Variants in SYNPR observed in about 807,000 individuals in gnomAD.
The protein encoded by SYNPR is synaptoporin.
SYNPR carries 23 observed loss-of-function variants against 32.9 expected under a neutral mutation model. The observed-to-expected ratio is 0.70, with a 90% CI of 0.50 to 0.99. The LOEUF is 0.99. Ranked by LOEUF, SYNPR falls within the 50% of genes least tolerant of loss-of-function variation. The pLI, the probability that SYNPR is intolerant of heterozygous loss-of-function variation, is 0.00. For missense variants in SYNPR, 318 were observed against 349.3 expected (o/e 0.91, Z 0.71); for synonymous variants, 146 against 135.9 (o/e 1.07, Z -0.52).
intron 3 of SYNPR, among the ~76,000 whole-genome samples, chr3:63,526,347 A>G (rs1024678558): frequency 6.6e-6 from 1 of 152,120 alleles, no homozygotes; most frequent in Admixed American, 6.5e-5. Flanking sequence ...GCATTATATC[A>G]TTTACATTTA....
At chr3:63,280,479 A>G (rs776841426) in intron 2 of SYNPR, among the ~76,000 whole-genome samples, 6 of 151,806 alleles carry the variant, frequency 4.0e-5, no homozygotes, top group Non-Finnish European at 5.9e-5. Context: ...TGCTATTTCT[A>G]TTCACACTGT....
chr3:63,303,267 T>C (rs1198741832), intron 2 of SYNPR, among the ~76,000 whole-genome samples: 2 of 151,846 alleles, frequency 1.3e-5, no homozygotes, highest in Non-Finnish European at 2.9e-5. Flanking sequence ...GCCTCATTTG[T>C]TAATGTTTCT....
At chr3:63,403,895 C>T (rs1001954810) in intron 2 of SYNPR, among the ~76,000 whole-genome samples, 5 of 152,196 alleles carry the variant, frequency 3.3e-5, no homozygotes, top group South Asian at 2.1e-4. Flanking sequence ...CATCCTTGAT[C>T]GACCACAACA....
intron 2 of SYNPR, among the ~76,000 whole-genome samples, chr3:63,330,450 T>G (rs200472327): frequency 8.4e-6 from 1 of 119,640 alleles, no homozygotes; most frequent in African/African-American, 3.0e-5. Context: ...CTGTCTCCCC[T>G]CTTTTTTTTA....
At chr3:63,456,809 C>G (rs891119401) in intron 2 of SYNPR, among the ~76,000 whole-genome samples, 3 of 152,082 alleles carry the variant, frequency 2.0e-5, no homozygotes, top group African/African-American at 7.2e-5. Flanking sequence ...TGGCTAGTTT[C>G]TCATTGTTTT....
chr3:63,473,778 A>G (rs1310161383), intron 2 of SYNPR, among the ~76,000 whole-genome samples: 2 of 152,192 alleles, frequency 1.3e-5, no homozygotes, highest in African/African-American at 4.8e-5. Context: ...AAGGTCCTAC[A>G]GCTGGAGGGA....
At chr3:63,414,660 TACTG>T (rs2088515481) in intron 2 of SYNPR, among the ~76,000 whole-genome samples, 1 of 152,250 alleles carries the variant, frequency 6.6e-6, no homozygotes, top group African/African-American at 2.4e-5. Context: ...ATCTACCTGC[TACTG>T]ACTATTTTTC....
intron 3 of SYNPR, among the ~76,000 whole-genome samples, chr3:63,525,068 A>C (rs1425064221): frequency 6.6e-6 from 1 of 152,154 alleles, no homozygotes; most frequent in Non-Finnish European, 1.5e-5. Context: ...CTGGGAATAC[A>C]TGATGGAGAG....
intron 2 of SYNPR, among the ~76,000 whole-genome samples, chr3:63,300,194 G>A (rs1338128003): frequency 2.6e-5 from 4 of 152,064 alleles, no homozygotes; most frequent in Admixed American, 1.3e-4. Flanking sequence ...GAAGGAAGGA[G>A]TATGACCTGC....
intron 2 of SYNPR, among the ~76,000 whole-genome samples, chr3:63,304,402 G>C (rs773523951): frequency 1.3e-5 from 2 of 151,134 alleles, no homozygotes; most frequent in Non-Finnish European, 3.0e-5. Context: ...TTAAATCACC[G>C]GTCATTTTTA....
chr3:63,345,876 G>T (rs376298570), intron 2 of SYNPR, among the ~76,000 whole-genome samples: 1 of 151,712 alleles, frequency 6.6e-6, no homozygotes, highest in African/African-American at 2.4e-5. Context: ...GTGCAGTGGC[G>T]CAATCTCAGC....
chr3:63,294,846 A>G lies in SYNPR; in HGVS notation c.84+16104A>G, dbSNP rs913623497. Among the ~76,000 whole-genome samples the G allele has an allele frequency of 2.6e-5, 4 of 152,180 alleles. No individual in the cohort carries two copies. In the East Asian group the frequency reaches 7.7e-4, roughly 29 times the overall value. On this transcript the variant is annotated intron_variant, in intron 2 of 5. Transcript: ENST00000478300. ...ATAATACTCGTAAATGTTAGTGCAT[A>G]TTCAGTACTTTTCTGAAATTGCACT...
At chr3:63,217,871 G>A in the SYNPR span, among the ~76,000 whole-genome samples, 37 of 152,162 alleles carry the variant, frequency 2.4e-4, no homozygotes, top group Non-Finnish European at 2.6e-4. Flanking sequence ...TAGTATTTGG[G>A]CCCACTTAAG....
intron 2 of SYNPR, among the ~76,000 whole-genome samples, chr3:63,310,001 T>G (rs569338691): frequency 6.6e-6 from 1 of 151,852 alleles, no homozygotes; most frequent in Non-Finnish European, 1.5e-5. Context: ...GTGTACCCAC[T>G]CTTCAGCCCT....
At chr3:63,290,928 A>T (rs548311160) in intron 2 of SYNPR, among the ~76,000 whole-genome samples, 1 of 152,314 alleles carries the variant, frequency 6.6e-6, no homozygotes, top group East Asian at 1.9e-4. Context: ...CAGTTGGCAC[A>T]CTTTTCAGGA....
Position 63,563,859 on chromosome 3 carries a change from T to C in SYNPR, c.408+7118T>C, listed in dbSNP as rs1227558490. On this transcript the variant is annotated intron_variant, in intron 4 of 5. Coordinates refer to ENST00000478300, the MANE Select transcript of SYNPR (RefSeq NM_001130003.2). ...TGAGGGCATGCCCTTTTCAGGTCTC[T>C]GTGCTGTGGACTTGTCATAAAGTAT... 3.3e-5 allele frequency among the ~76,000 whole-genome samples: 5 copies of C among 152,022 alleles called. No homozygotes were observed. In the East Asian group the frequency reaches 9.6e-4, roughly 29 times the overall value.
intron 2 of SYNPR, among the ~76,000 whole-genome samples, chr3:63,314,436 T>C (rs910274031): frequency 6.6e-6 from 1 of 151,934 alleles, no homozygotes; most frequent in Non-Finnish European, 1.5e-5. Context: ...TGGTATTACA[T>C]TGTAGTTTTG....
intron 3 of SYNPR, among the ~76,000 whole-genome samples, chr3:63,516,632 A>G (rs1701806186): frequency 6.6e-6 from 1 of 152,156 alleles, no homozygotes; most frequent in South Asian, 2.1e-4. Flanking sequence ...TAGCCGAGGC[A>G]TAGGAGAGCC....
At chr3:63,609,885 G>A (rs1405559512) in intron 5 of SYNPR, among the ~76,000 whole-genome samples, 1 of 152,160 alleles carries the variant, frequency 6.6e-6, no homozygotes, top group Non-Finnish European at 1.5e-5. Flanking sequence ...ACCCCAGCCT[G>A]AGCAACAGAG....
Sources: gnomAD v4.1 joint callset for allele counts (sites outside exome capture counted in the v4.1 genomes callset) on GRCh38, gnomAD v4.1.1 for gene constraint, MANE v1.5 for transcripts, NCBI Gene and HGNC (gene_info 2026-07-23, HGNC 2026-07-21) for gene names.